ADAR: variants seen among roughly 807,000 people sequenced by gnomAD.
The protein encoded by ADAR is double-stranded RNA-specific adenosine deaminase.
In ADAR, 41 loss-of-function variants were observed where a neutral mutation model predicts 113.2. The observed-to-expected ratio is 0.36, with a 90% confidence interval of 0.28 to 0.47. ADAR has a LOEUF of 0.47. ADAR is among the 20% of genes least tolerant of loss of function. The pLI is 1.00. For missense variants in ADAR, 1,242 were observed against 1,540.9 expected, an observed-to-expected ratio of 0.81 and a Z score of 3.25; for synonymous variants, 605 against 572.6, an observed-to-expected ratio of 1.06 and a Z score of -0.81.
intron 1 of ADAR, among the ~76,000 whole-genome samples, chr1:154,613,231 G>C (rs1490826381): frequency 6.6e-6 from 1 of 151,134 alleles, no homozygotes; most frequent in Non-Finnish European, 1.5e-5. Flanking sequence ...GTGCTCTGTG[G>C]CAGTATTTAT....
At chr1:154,585,154 A>G in intron 14 of ADAR, 63 bp downstream of exon 14, 3 of 1,613,502 alleles carry the variant, frequency 1.9e-6, no homozygotes, top group South Asian at 2.2e-5. Context: ...CTGCAGAGGT[A>G]TGATGCACCC....
intron 1 of ADAR, chr1:154,605,921 T>C (rs779137459): frequency 2.2e-6 from 2 of 906,736 alleles, no homozygotes; most frequent in Non-Finnish European, 2.6e-6. Context: ...CTGCTACTCT[T>C]GGCCCAAATC....
Position 154,584,810 on chromosome 1 carries a change from A to G in ADAR, c.3677T>C (p.Val1226Ala). Reference sequence around the variant, plus strand: ...TCCATCTGTCACTGGAGCATACTATACTGGGCAGAGATAAAAGTTCTTTTC... The same window carrying G: ...TCCATCTGTCACTGGAGCATACTATGCTGGGCAGAGATAAAAGTTCTTTTC... ...QEEKNFYLCP[V>A] Residue 1226 changes from valine (V) to alanine (A), a missense_variant, in exon 15 of 15, where the codon GTA becomes GCA. By Grantham distance (64) the Val-to-Ala change is moderately conservative. This residue lies in a region of ADAR where 780 missense variants were observed against 1,057.9 expected (regional missense o/e 0.74). Transcript: ENST00000368474. 1 of 1,612,708 alleles carries G rather than the reference A, an allele frequency of 6.2e-7. No individual in the cohort carries two copies. The highest frequency in any genetic ancestry group is 8.5e-7 in the Non-Finnish European group (1 of 1,178,984).
chr1:154,624,447 G>T (rs1160518788), intron 1 of ADAR, among the ~76,000 whole-genome samples: 1 of 152,148 alleles, frequency 6.6e-6, no homozygotes, highest in Non-Finnish European at 1.5e-5. Flanking sequence ...TGAGGGGGGT[G>T]TAAGTCACAG....
rs1284735410 is a variant in ADAR, at chr1:154,601,033, T to C, written c.1601+8A>G. ...AACCCTAGGTACAGTTCCTGGGTGG[T>C]CTCTTACCGAGGTTCATGGGGTGGT... On this transcript the variant is annotated splice_region_variant and intron_variant, in intron 2 of 14. Coordinates refer to ENST00000368474, the MANE Select transcript of ADAR (RefSeq NM_001111.5). This position sits in a 1 kb window ranked among gnomAD's most constrained non-coding sequence, Gnocchi z 4.7. The C allele has an allele frequency of 1.2e-6, 2 of 1,614,062 alleles. No individual in the cohort carries two copies. Among genetic ancestry groups the C allele is most frequent in the South Asian group, 2.2e-5 (2 of 91,070 alleles).
chr1:154,602,138 C>A lies in ADAR; in HGVS notation c.504G>T (p.Pro168=). The A allele has an allele frequency of 6.2e-7, 1 of 1,614,226 alleles. No homozygotes were observed. Among genetic ancestry groups the A allele is most frequent in the Non-Finnish European group, 8.5e-7 (1 of 1,180,040 alleles). ...AHDLSGKLGT[P]KKEINRVLYS... ...ATAAAACTCGATTGATTTCTTTCTT[C>A]GGAGTCCCAAGTTTCCCAGACAGAT... Residue 168 remains proline, a synonymous_variant, in exon 2 of 15, where the codon CCG becomes CCT. Transcript: ENST00000368474.
intron 1 of ADAR, among the ~76,000 whole-genome samples, chr1:154,625,143 T>C (rs1168452770): frequency 6.6e-6 from 1 of 152,186 alleles, no homozygotes; most frequent in Non-Finnish European, 1.5e-5. Flanking sequence ...TTGGTTCATA[T>C]CTGGACAATG....
intron 12 of ADAR, 50 bp from the exon 13 acceptor site, chr1:154,585,915 G>A (rs779640298): frequency 1.4e-5 from 21 of 1,506,186 alleles, no homozygotes; most frequent in African/African-American, 4.1e-5. Context: ...ACCAAATGCT[G>A]TTAAGAGGCA....
chr1:154,605,302 A>G (rs1698121814), intron 1 of ADAR, among the ~76,000 whole-genome samples: 1 of 152,048 alleles, frequency 6.6e-6, no homozygotes, highest in Admixed American at 6.6e-5. Flanking sequence ...TTCCTTATAG[A>G]GCTCCTTAAA....
exon 1 of ADAR, chr1:154,627,943 G>A: frequency 2.3e-6 from 1 of 431,598 alleles, no homozygotes; most frequent in Non-Finnish European, 4.6e-6. Flanking sequence ...CCACCACGTA[G>A]CCTTCTCTAC....
chr1:154,590,138 A>AGGGGGGGGGGGGGGGGGGGGG, intron 7 of ADAR, 46 bp downstream of exon 7: 4 of 1,173,760 alleles, frequency 3.4e-6, no homozygotes, highest in Admixed American at 1.8e-5. Flanking sequence ...AGGAGTTAGG[A>AGGGGGGGGGGGGGGGGGGGGG]GGACCCCCCC....
At chr1:154,606,297 G>T (rs1698185759) in intron 1 of ADAR, among the ~76,000 whole-genome samples, 1 of 152,150 alleles carries the variant, frequency 6.6e-6, no homozygotes, top group Non-Finnish European at 1.5e-5. Context: ...CTCCCAAAGT[G>T]CTGGGATTAC....
At chr1:154,595,642 A>C (rs1035400756) in intron 6 of ADAR, among the ~76,000 whole-genome samples, 5 of 152,194 alleles carry the variant, frequency 3.3e-5, no homozygotes, top group Non-Finnish European at 7.3e-5. Flanking sequence ...AAAATAAAAA[A>C]GTTAATAAAG....
intron 1 of ADAR, among the ~76,000 whole-genome samples, chr1:154,624,820 C>A (rs1331741895): frequency 6.6e-6 from 1 of 152,188 alleles, no homozygotes; most frequent in Non-Finnish European, 1.5e-5. Context: ...AGCTCAGATT[C>A]TGTTGTTCAC....
In ADAR at chr1:154,598,317, T is replaced by C. The variant is rs192926820; in HGVS notation, c.1785+85A>G. 8.3e-6 allele frequency: 12 copies of C among 1,449,460 alleles called. No homozygotes were observed. In the South Asian group the frequency reaches 1.4e-4, roughly 17 times the overall value. The allele number at this position is 1,449,460 out of a possible 1,614,324, so 89.8% of individuals were successfully genotyped here. On this transcript the variant is annotated intron_variant, in intron 3 of 14. Coordinates refer to ENST00000368474, the MANE Select transcript of ADAR (RefSeq NM_001111.5). Reference sequence around the variant, plus strand: ...TGACTCCGAGATGGTGTCAGTTGTTTAGGCTGGGATTGCCTCAAGGGAGTC... The same window carrying C: ...TGACTCCGAGATGGTGTCAGTTGTTCAGGCTGGGATTGCCTCAAGGGAGTC...
chr1:154,603,403 G>A (rs757412321), intron 1 of ADAR, among the ~76,000 whole-genome samples: 7 of 152,122 alleles, frequency 4.6e-5, no homozygotes, highest in Non-Finnish European at 8.8e-5. Context: ...TGGTACCCAG[G>A]CTCAGAAGGG....
rs181413174 is a variant in ADAR at position 154,627,493 on chromosome 1, G to A, written c.-871+362C>T. Among the ~76,000 whole-genome samples the A allele has an allele frequency of 4.6e-4, 70 of 152,318 alleles. No individual in the cohort carries two copies. In the East Asian group the frequency reaches 0.01, roughly 23 times the overall value. On this transcript the variant is annotated intron_variant, in intron 1 of 14. Transcript: ENST00000368471. ...CACTCTCCGAGGCGGGGGAGCCGGC[G>A]AGAGGGAAACAAGGGCCTTTGGTAC...
chr1:154,594,310 T>C (rs1462960260), intron 6 of ADAR, among the ~76,000 whole-genome samples: 1 of 152,066 alleles, frequency 6.6e-6, no homozygotes, highest in Non-Finnish European at 1.5e-5. Context: ...CAGTTAAGAG[T>C]GTACAATAAA....
In ADAR at chr1:154,583,181, T is replaced by C. The variant is rs1696519206; in HGVS notation, c.*1625A>G. On this transcript the variant is annotated 3_prime_UTR_variant, in exon 15 of 15. Transcript: ENST00000368474. The stretch of plus-strand genomic sequence containing the variant: ...GCTCCTGAAGGTCGCAGAGCCTCAG[T>C]AGTCCTCCTGAGTGTGTCTAGCTGA... 2 of 152,162 alleles carry C rather than the reference T, an allele frequency of 1.3e-5. No individual in the cohort carries two copies. The highest frequency in any genetic ancestry group is 2.9e-5 in the Non-Finnish European group (2 of 68,030). 9.4% of individuals were successfully genotyped at this position (152,162 alleles called of 1,614,324 possible). A position where few individuals can be genotyped will look rare whatever the true frequency, so the allele number is the denominator to read the frequency against.
Sources: gnomAD v4.1 joint callset for allele counts (sites outside exome capture counted in the v4.1 genomes callset) on GRCh38, gnomAD v4.1.1 for gene constraint, gnomAD v4.1.1 regional missense constraint, Gnocchi (gnomAD v3.1) non-coding constraint, MANE v1.5 for transcripts, NCBI Gene and HGNC (gene_info 2026-07-23, HGNC 2026-07-21) for gene names.